The following BABAM2 variants were observed in gnomAD, a reference collection of about 807,000 sequenced individuals.
BABAM2 encodes the protein BRISC and BRCA1 A complex member 2, also known as BRISC and BRCA1-A complex member 2.
Under a neutral mutation model 54.7 loss-of-function variants are expected in BABAM2, and 31 were observed. That is an observed-to-expected ratio of 0.57 (90% CI 0.43 to 0.77). BABAM2 has a LOEUF of 0.77. Among genes scored for constraint, BABAM2 ranks in the 30% least tolerant of loss-of-function variants. The probability of loss-of-function intolerance (pLI) is 0.00; values close to 1 mark genes in which losing one functional copy is unlikely to be tolerated. For missense variants in BABAM2, 364 were observed against 455.8 expected, an observed-to-expected ratio of 0.80 and a Z score of 1.83; for synonymous variants, 167 against 162.9, an observed-to-expected ratio of 1.03 and a Z score of -0.19.
chr2:28,112,715 A>G (rs1260415464), intron 6 of BABAM2, among the ~76,000 whole-genome samples: 2 of 151,916 alleles, frequency 1.3e-5, no homozygotes, highest in Non-Finnish European at 2.9e-5. Flanking sequence ...TCCTTTGGGT[A>G]TATACCCAGT....
At chr2:28,280,045 A>T (rs1367656281) in intron 10 of BABAM2, among the ~76,000 whole-genome samples, 1 of 151,816 alleles carries the variant, frequency 6.6e-6, no homozygotes, top group Non-Finnish European at 1.5e-5. Context: ...TCCTAGTCTC[A>T]TATCAAATCA....
intron 9 of BABAM2, 57 bp from the exon 10 acceptor site, chr2:28,244,723 A>G (rs1033311802): frequency 1.3e-6 from 2 of 1,486,656 alleles, no homozygotes; most frequent in Non-Finnish European, 1.9e-6. Context: ...TATTGCTTTT[A>G]TACCTTAATT....
intron 7 of BABAM2, among the ~76,000 whole-genome samples, chr2:28,152,809 G>A (rs1672182172): frequency 6.6e-6 from 1 of 152,168 alleles, no homozygotes; most frequent in Admixed American, 6.5e-5. Flanking sequence ...GATGGTCATC[G>A]GCTACTAGGC....
At position 28,144,137 on chromosome 2, in the gene BABAM2, A is replaced by G. The variant is rs145008424; in HGVS notation, c.680+14757A>G. ...CCCTCATAGAATCTTTGCCAGGATT[A>G]GATGAGAGAATGTGTTTAAGTGTTT... is the stretch of plus-strand genomic sequence containing the variant. On this transcript the variant is annotated intron_variant, in intron 7 of 11. Transcript: ENST00000379624. Among the ~76,000 whole-genome samples, 97 of 152,362 alleles carry G rather than the reference A, an allele frequency of 6.4e-4. No individual in the cohort carries two copies. The East Asian group carries it at 8.5e-3, about 13-fold the overall frequency.
At chr2:28,257,641 T>A (rs1379738981) in intron 10 of BABAM2, among the ~76,000 whole-genome samples, 1 of 152,182 alleles carries the variant, frequency 6.6e-6, no homozygotes, top group African/African-American at 2.4e-5. Context: ...CCCAGTGCTT[T>A]GGGAAGCTGA....
At chr2:28,172,087 ATGTGTGTGTG>A (rs10612484) in intron 7 of BABAM2, among the ~76,000 whole-genome samples, 4 of 149,772 alleles carry the variant, frequency 2.7e-5, no homozygotes, top group South Asian at 4.2e-4. Context: ...TTTGTTTGAA[ATGTGTGTGTG>A]TGTGTGTGTG....
chr2:28,163,129 G>A (rs538924088), intron 7 of BABAM2, among the ~76,000 whole-genome samples: 15 of 152,128 alleles, frequency 9.9e-5, no homozygotes, highest in Non-Finnish European at 1.9e-4. Flanking sequence ...GAAAAAAGAC[G>A]GTGGTGTCAT....
intron 3 of BABAM2, among the ~76,000 whole-genome samples, chr2:27,982,245 GGTACAA>G (rs1672057645): frequency 6.6e-6 from 1 of 151,868 alleles, no homozygotes; most frequent in Non-Finnish European, 1.5e-5. Context: ...CTTTGTTCTG[GGTACAA>G]GTCCTTTATT....
intron 11 of BABAM2, among the ~76,000 whole-genome samples, chr2:28,302,517 A>G (rs1422046976): frequency 6.6e-6 from 1 of 152,180 alleles, no homozygotes; most frequent in Non-Finnish European, 1.5e-5. Flanking sequence ...ACCCATGTGT[A>G]GATACTTGTG....
chr2:28,170,420 A>G (rs1012324244), intron 7 of BABAM2, among the ~76,000 whole-genome samples: 1 of 152,086 alleles, frequency 6.6e-6, no homozygotes, highest in African/African-American at 2.4e-5. Flanking sequence ...AATACTTTAA[A>G]GAATAGAGCC....
At chr2:28,181,903 C>T (rs577087457) in intron 7 of BABAM2, among the ~76,000 whole-genome samples, 2 of 151,708 alleles carry the variant, frequency 1.3e-5, no homozygotes, top group East Asian at 1.9e-4. Flanking sequence ...AGCTTCACTG[C>T]GAAAGTGACA....
intron 7 of BABAM2, among the ~76,000 whole-genome samples, chr2:28,224,740 C>T (rs1436042515): frequency 6.6e-6 from 1 of 151,118 alleles, no homozygotes; most frequent in Non-Finnish European, 1.5e-5. Context: ...TCCTATTAAG[C>T]TCTGGGTTGC....
chr2:27,951,203 C>T (rs1472674294), intron 3 of BABAM2, among the ~76,000 whole-genome samples: 1 of 152,052 alleles, frequency 6.6e-6, no homozygotes, highest in Non-Finnish European at 1.5e-5. Flanking sequence ...CTTTCACTTG[C>T]TCTTCTTTTC....
chr2:28,258,807 C>T (rs139568738), intron 10 of BABAM2, among the ~76,000 whole-genome samples: 2,751 of 151,184 alleles, frequency 0.018, 78 homozygotes, highest in African/African-American at 0.064. Flanking sequence ...GATGGAGTCT[C>T]ACTCTGTCAC....
intron 7 of BABAM2, among the ~76,000 whole-genome samples, chr2:28,167,250 C>T (rs375135575): frequency 1.3e-5 from 2 of 152,178 alleles, no homozygotes; most frequent in East Asian, 1.9e-4. Context: ...CCTTTGTCTT[C>T]AAGAAGGGAC....
At chr2:28,259,940 G>A (rs532127883) in intron 10 of BABAM2, among the ~76,000 whole-genome samples, 43 of 148,554 alleles carry the variant, frequency 2.9e-4, no homozygotes, top group African/African-American at 1.0e-3. Flanking sequence ...CGCTTTTGTC[G>A]CCCAGGCTGG....
At chr2:28,014,728 G>T (rs1315618687) in intron 4 of BABAM2, among the ~76,000 whole-genome samples, 5 of 150,156 alleles carry the variant, frequency 3.3e-5, no homozygotes, top group Non-Finnish European at 7.4e-5. Context: ...TGGCAAGTAG[G>T]TTGTTAAACA....
intron 5 of BABAM2, among the ~76,000 whole-genome samples, chr2:28,043,319 C>G (rs1241822822): frequency 2.6e-5 from 4 of 151,658 alleles, no homozygotes; most frequent in Non-Finnish European, 5.9e-5. Context: ...TTAGTAGAGA[C>G]GGGGTTTCAC....
At chr2:28,315,830 A>G (rs1689509001) in intron 11 of BABAM2, among the ~76,000 whole-genome samples, 1 of 152,012 alleles carries the variant, frequency 6.6e-6, no homozygotes, top group Non-Finnish European at 1.5e-5. Flanking sequence ...TATTGGTATA[A>G]TGATCTGCTT....
Sources: gnomAD v4.1 joint callset for allele counts (sites outside exome capture counted in the v4.1 genomes callset) on GRCh38, gnomAD v4.1.1 for gene constraint, MANE v1.5 for transcripts, NCBI Gene and HGNC (gene_info 2026-07-23, HGNC 2026-07-21) for gene names.